Variants in SLC25A43 observed in about 807,000 individuals in gnomAD.
The protein encoded by SLC25A43 is solute carrier family 25 member 43.
Under a neutral mutation model 22.8 loss-of-function variants are expected in SLC25A43, and 10 were observed. The observed-to-expected ratio is 0.44, with a 90% CI of 0.27 to 0.74. The LOEUF (loss-of-function observed/expected upper bound fraction) is 0.74. Among genes scored for constraint, SLC25A43 ranks in the 30% least tolerant of loss-of-function variants. The pLI, the probability that SLC25A43 is intolerant of heterozygous loss-of-function variation, is 0.17. For missense variants in SLC25A43, 233 were observed against 279.1 expected (o/e 0.83, Z 1.18); for synonymous variants, 106 against 121.6 (o/e 0.87, Z 0.84).
In SLC25A43 at chrX:119,406,655, G is replaced by A; in HGVS notation, c.471G>A (p.Gln157=). The part of the protein sequence containing the change: ...LLHAFSTIYQ[Q]EGFLALYRGV... ...ATGCTTTTTCTACTATTTACCAACA[G>A]GAAGGGTTCCTTGCCCTTTATCGAG... is the stretch of plus-strand genomic sequence containing the variant. Residue 157 remains glutamine, a synonymous_variant, in exon 2 of 5, where the codon CAG becomes CAA. Transcript: ENST00000217909. 8.3e-7 allele frequency: 1 copy of A among 1,211,956 alleles called. No homozygotes were observed. Among genetic ancestry groups the A allele is most frequent in the Non-Finnish European group, 1.1e-6 (1 of 895,427 alleles).
At chrX:119,445,038 CAAAAAAAAAAAAA>C (rs780253357) in intron 3 of SLC25A43, among the ~76,000 whole-genome samples, 4 of 35,529 alleles carry the variant, frequency 1.1e-4, no homozygotes, top group Non-Finnish European at 1.9e-4. Context: ...ACCCTGTCTC[CAAAAAAAAAAAAA>C]AAAAAAAAAA....
rs182533797 is a variant in SLC25A43 at position 119,399,697 on chromosome X, C to A, written c.275+19C>A. The A allele has an allele frequency of 6.1e-3, 4,296 of 700,377 alleles. 111 individuals are homozygous for A. In the African/African-American group the frequency reaches 0.087, roughly 14 times the overall value. 57.7% of individuals were successfully genotyped at this position (700,377 alleles called of 1,213,427 possible). A position where few individuals can be genotyped will look rare whatever the true frequency, so the allele number is the denominator to read the frequency against. ...ACCGCAAGTAAGAGCCGGGCGGGGC[C>A]GGGGAACCGGGAGACCGGACGGGGG... On this transcript the variant is annotated intron_variant, in intron 1 of 4. Coordinates refer to ENST00000217909, the MANE Select transcript of SLC25A43 (RefSeq NM_145305.3).
intron 3 of SLC25A43, among the ~76,000 whole-genome samples, chrX:119,451,653 AAGACAAGGAAAC>A (rs2052708358): frequency 8.9e-6 from 1 of 111,868 alleles, no homozygotes; most frequent in Non-Finnish European, 1.9e-5. Flanking sequence ...AGGACCAGTA[AAGACAAGGAAAC>A]AGAATACTTT....
intron 2 of SLC25A43, 58 bp downstream of exon 2, chrX:119,406,759 T>A (rs2052300540): frequency 8.7e-7 from 1 of 1,148,910 alleles, no homozygotes; most frequent in South Asian, 2.0e-5. Flanking sequence ...AAATTACAAA[T>A]GTATTGTATA....
intron 3 of SLC25A43, 174 bp from the exon 4 acceptor site, chrX:119,451,835 A>C: frequency 1.8e-6 from 2 of 1,082,647 alleles, no homozygotes; most frequent in South Asian, 4.7e-5. Context: ...ATTGCACGTT[A>C]ATATCTGTTC....
intron 3 of SLC25A43, among the ~76,000 whole-genome samples, chrX:119,416,435 G>T (rs779008005): frequency 8.9e-6 from 1 of 111,861 alleles, no homozygotes; most frequent in East Asian, 2.8e-4. Context: ...TAGCCAGGCT[G>T]GTCTCGAACT....
chrX:119,453,001 A>G lies in SLC25A43; in HGVS notation c.962A>G (p.Glu321Gly), dbSNP rs764521214. 1.7e-6 allele frequency: 2 copies of G among 1,209,892 alleles called. No homozygotes were observed. The highest frequency in any genetic ancestry group is 4.4e-5 in the Admixed American group (2 of 45,582). Residue 321 changes from glutamate to glycine, a missense_variant, in exon 5 of 5, where the codon GAA becomes GGA. Transcript: ENST00000217909. The stretch of plus-strand genomic sequence containing the variant: ...GTCGATCAGAGTTTGCAGCCCCAGG[A>G]ATTACGAGAATTAAAGAAGTTCTTC... The part of the protein sequence containing the change: ...PGVDQSLQPQ[E>G]LRELKKFFKT...
chrX:119,415,337 G>A (rs1344404700), intron 3 of SLC25A43, among the ~76,000 whole-genome samples: 1 of 111,251 alleles, frequency 9.0e-6, no homozygotes, highest in African/African-American at 3.3e-5. Flanking sequence ...CTCCCAAAGT[G>A]CTGGGATTAC....
At chrX:119,441,623 G>A (rs2052623813) in intron 3 of SLC25A43, among the ~76,000 whole-genome samples, 1 of 111,188 alleles carries the variant, frequency 9.0e-6, no homozygotes, top group African/African-American at 3.3e-5. Context: ...CATTTTTGTG[G>A]TTGATTTGGA....
At chrX:119,441,410 A>G (rs1461957556) in intron 3 of SLC25A43, among the ~76,000 whole-genome samples, 1 of 102,511 alleles carries the variant, frequency 9.8e-6, no homozygotes, top group African/African-American at 3.6e-5. Context: ...TCAGATGGAA[A>G]TGCAGAAATC....
chrX:119,424,085 C>T (rs1044694647), intron 3 of SLC25A43, among the ~76,000 whole-genome samples: 3 of 108,780 alleles, frequency 2.8e-5, no homozygotes, highest in Non-Finnish European at 5.7e-5. Flanking sequence ...TGGTGGTGGG[C>T]GCCTGTGGTC....
chrX:119,420,097 T>G (rs971883077), intron 3 of SLC25A43, among the ~76,000 whole-genome samples: 3 of 111,569 alleles, frequency 2.7e-5, no homozygotes, highest in African/African-American at 9.8e-5. Context: ...TATTATTAAG[T>G]CCATTTTACA....
At chrX:119,403,045 C>T (rs1237745215) in intron 1 of SLC25A43, among the ~76,000 whole-genome samples, 1 of 111,544 alleles carries the variant, frequency 9.0e-6, no homozygotes, top group Non-Finnish European at 1.9e-5. Flanking sequence ...TCTCCGCTTG[C>T]CCCTACCAGT....
chrX:119,399,714 G>C (rs1172409484), intron 1 of SLC25A43, 36 bp downstream of exon 1: 32 of 987,739 alleles, frequency 3.2e-5, no homozygotes, highest in East Asian at 8.3e-5. Context: ...CCGGGAGACC[G>C]GACGGGGGTG....
intron 3 of SLC25A43, among the ~76,000 whole-genome samples, chrX:119,448,607 C>G (rs114080159): frequency 0.087 from 9,633 of 111,188 alleles, 518 homozygotes; most frequent in African/African-American, 0.18. Context: ...CTTGCTTCCT[C>G]ACTTCCTTCA....
chrX:119,445,891 G>A (rs1005705701), intron 3 of SLC25A43, among the ~76,000 whole-genome samples: 17 of 110,713 alleles, frequency 1.5e-4, no homozygotes, highest in African/African-American at 5.3e-4. Context: ...GGTGGCTCAT[G>A]CCCATAATCC....
rs1051668028 is a variant in SLC25A43 at position 119,454,000 on chromosome X, T to C, written c.*935T>C. ...GCATCCCAGGCTTAAAATCTTGTGT[T>C]TCAGAAAGACAGTTTATACCATGAC... On this transcript the variant is annotated 3_prime_UTR_variant, in exon 5 of 5. Transcript: ENST00000217909. 1 of 112,420 alleles carries C rather than the reference T, an allele frequency of 8.9e-6. No homozygotes were observed. The highest frequency in any genetic ancestry group is 1.9e-5 in the Non-Finnish European group (1 of 53,219). 9.3% of individuals were successfully genotyped at this position (112,420 alleles called of 1,213,427 possible).
At chrX:119,422,195 A>G (rs771305692) in intron 3 of SLC25A43, among the ~76,000 whole-genome samples, 4 of 112,339 alleles carry the variant, frequency 3.6e-5, no homozygotes, top group Non-Finnish European at 5.6e-5. Flanking sequence ...GATTACAGGC[A>G]TGAGCCACCG....
At chrX:119,446,873 A>G (rs1008619835) in intron 3 of SLC25A43, among the ~76,000 whole-genome samples, 1 of 112,376 alleles carries the variant, frequency 8.9e-6, no homozygotes, top group Non-Finnish European at 1.9e-5. Context: ...AGACATGTAA[A>G]TTGGACATGA....
Sources: allele counts gnomAD v4.1 joint callset (sites outside exome capture counted in the v4.1 genomes callset), GRCh38; gene constraint gnomAD v4.1.1; transcripts MANE v1.5; gene names NCBI Gene and HGNC (gene_info 2026-07-23, HGNC 2026-07-21).